PTPRQ: variants seen among roughly 807,000 people sequenced by gnomAD.
PTPRQ encodes phosphatidylinositol phosphatase PTPRQ.
In PTPRQ, 199 loss-of-function variants were observed where a neutral mutation model predicts 246.0. The ratio of observed to expected loss-of-function variants is 0.81; its 90% CI spans 0.72 to 0.91. The LOEUF (loss-of-function observed/expected upper bound fraction) is 0.91, where lower values mean the gene tolerates loss of function less well. PTPRQ is among the 40% of genes least tolerant of loss of function. The pLI is 0.00. For synonymous variants in PTPRQ, 869 were observed against 853.2 expected, an observed-to-expected ratio of 1.02 and a Z score of -0.32; for missense variants, 2,624 against 2,528.4, an observed-to-expected ratio of 1.04 and a Z score of -0.81.
At chr12:80,614,207 A>G (rs1347906657) in intron 29 of PTPRQ, among the ~76,000 whole-genome samples, 1 of 150,858 alleles carries the variant, frequency 6.6e-6, no homozygotes, top group African/African-American at 2.4e-5. Context: ...AGGACAAAAG[A>G]CAGAAATAAT....
At chr12:80,505,943 A>T (rs1716625266) in intron 14 of PTPRQ, 81 bp from the exon 15 acceptor site, 2 of 1,430,920 alleles carry the variant, frequency 1.4e-6, no homozygotes, top group Admixed American at 5.3e-5. Flanking sequence ...TAAATAACCT[A>T]GTGCACTTCA....
chr12:80,523,161 A>G (rs1407175236), intron 17 of PTPRQ, among the ~76,000 whole-genome samples: 2 of 152,098 alleles, frequency 1.3e-5, no homozygotes, highest in African/African-American at 4.8e-5. Flanking sequence ...AGAGGTGTTT[A>G]TAGTGTTCTC....
At chr12:80,513,483 T>G (rs1282459483) in intron 17 of PTPRQ, among the ~76,000 whole-genome samples, 1 of 152,154 alleles carries the variant, frequency 6.6e-6, no homozygotes, top group Admixed American at 6.5e-5. Flanking sequence ...CGCTTGTGTG[T>G]GTGCCCGTTA....
chr12:80,486,202 G>A (rs1894270418), intron 9 of PTPRQ, among the ~76,000 whole-genome samples: 1 of 152,076 alleles, frequency 6.6e-6, no homozygotes, highest in Admixed American at 6.6e-5. Context: ...AACTGTACCT[G>A]GCATATAGTA....
chr12:80,542,593 T>C (rs1191583042), intron 22 of PTPRQ, 137 bp from the exon 23 acceptor site: 20 of 1,173,520 alleles, frequency 1.7e-5, no homozygotes, highest in Non-Finnish European at 2.2e-5. Flanking sequence ...TAATTAATTA[T>C]GATATTTGTT....
chr12:80,465,869 G>A (rs1440177990), intron 6 of PTPRQ, among the ~76,000 whole-genome samples: 1 of 152,040 alleles, frequency 6.6e-6, no homozygotes, highest in Non-Finnish European at 1.5e-5. Context: ...AATAATAAGA[G>A]CTATCTATGA....
At chr12:80,674,489 C>G (rs1275547730) in intron 43 of PTPRQ, among the ~76,000 whole-genome samples, 1 of 152,088 alleles carries the variant, frequency 6.6e-6, no homozygotes, top group Non-Finnish European at 1.5e-5. Context: ...TGTCATGGAA[C>G]ATTAATCCTC....
rs1528289 is a variant in PTPRQ at position 80,649,582 on chromosome 12, T to C, written c.5943-6T>C. On this transcript the variant is annotated splice_region_variant and splice_polypyrimidine_tract_variant and intron_variant, in intron 36 of 44. Coordinates refer to ENST00000644991, the MANE Select transcript of PTPRQ (RefSeq NM_001145026.2). Reference sequence around the variant, plus strand: ...GACCCTATTTTATACCTTTCTTTACTTGGAGGCCAATAAGCAAGAAATCCT... The same window carrying C: ...GACCCTATTTTATACCTTTCTTTACCTGGAGGCCAATAAGCAAGAAATCCT... 105,863 of 1,549,644 alleles carry C rather than the reference T, an allele frequency of 0.068. 5,043 individuals are homozygous for C. The highest frequency in any genetic ancestry group is 0.19 in the South Asian group (15,843 of 83,786).
At chr12:80,558,171 TC>T (rs1263258039) in intron 25 of PTPRQ, among the ~76,000 whole-genome samples, 9 of 146,208 alleles carry the variant, frequency 6.2e-5, no homozygotes, top group Non-Finnish European at 1.3e-4. Flanking sequence ...TTCTTTTCTT[TC>T]TTTTCTTTTC....
intron 26 of PTPRQ, among the ~76,000 whole-genome samples, chr12:80,601,931 G>GT (rs1898158850): frequency 6.6e-6 from 1 of 151,756 alleles, no homozygotes. Context: ...TTTATGCAGG[G>GT]TATGTGTATG....
chr12:80,487,713 G>T (rs1475026204), intron 9 of PTPRQ, among the ~76,000 whole-genome samples: 1 of 152,080 alleles, frequency 6.6e-6, no homozygotes, highest in African/African-American at 2.4e-5. Flanking sequence ...ACTTGCATAT[G>T]TCTTTATTTT....
At chr12:80,583,201 T>C (rs1897502099) in intron 25 of PTPRQ, among the ~76,000 whole-genome samples, 1 of 152,214 alleles carries the variant, frequency 6.6e-6, no homozygotes, top group Admixed American at 6.5e-5. Flanking sequence ...ATTCATTTGC[T>C]CACACATTCA....
intron 35 of PTPRQ, among the ~76,000 whole-genome samples, chr12:80,639,755 A>G (rs1465245067): frequency 1.3e-5 from 2 of 152,194 alleles, no homozygotes; most frequent in African/African-American, 4.8e-5. Context: ...TATATTTGTA[A>G]TATTGAATAC....
chr12:80,463,923 G>A (rs1348952263), intron 6 of PTPRQ, among the ~76,000 whole-genome samples: 2 of 151,770 alleles, frequency 1.3e-5, no homozygotes, highest in Non-Finnish European at 2.9e-5. Context: ...ATGCCAAAAT[G>A]TAAAGACCAT....
rs558835147 is a variant in PTPRQ at position 80,540,008 on chromosome 12, T to G, written c.3154+64T>G. ...TTTAAAACTTATTATTTTAGGAAAT[T>G]TTACTATTTGTTTGAATTTGTAATA... On this transcript the variant is annotated intron_variant, in intron 20 of 44. Transcript: ENST00000644991. 8.4e-5 allele frequency: 109 copies of G among 1,296,428 alleles called. 3 individuals are homozygous for G. The South Asian group carries it at 2.1e-3, about 25-fold the overall frequency. 80.3% of individuals were successfully genotyped at this position (1,296,428 alleles called of 1,614,324 possible). A position where few individuals can be genotyped will look rare whatever the true frequency, so the allele number is the denominator to read the frequency against.
chr12:80,467,988 C>G (rs989117031), intron 6 of PTPRQ, among the ~76,000 whole-genome samples: 3 of 151,976 alleles, frequency 2.0e-5, no homozygotes, highest in Non-Finnish European at 2.9e-5. Context: ...GCACATGTAC[C>G]CTAAAACTTA....
chr12:80,542,962 G>A, intron 23 of PTPRQ, 81 bp downstream of exon 23: 1 of 944,354 alleles, frequency 1.1e-6, no homozygotes. Flanking sequence ...GGAGGAAAAT[G>A]GACTACTAAA....
intron 42 of PTPRQ, among the ~76,000 whole-genome samples, chr12:80,671,959 G>C (rs1362457753): frequency 1.3e-5 from 2 of 151,998 alleles, no homozygotes; most frequent in East Asian, 3.9e-4. Flanking sequence ...CCTCAGGTCT[G>C]TTCTCATTTT....
chr12:80,619,277 T>A, intron 30 of PTPRQ, 107 bp from the exon 31 acceptor site: 3 of 1,269,412 alleles, frequency 2.4e-6, no homozygotes, highest in Non-Finnish European at 3.2e-6. Context: ...TTATTTATGT[T>A]TGTCATCACT....
Sources: allele counts gnomAD v4.1 joint callset (sites outside exome capture counted in the v4.1 genomes callset), GRCh38; gene constraint gnomAD v4.1.1; transcripts MANE v1.5; gene names NCBI Gene and HGNC (gene_info 2026-07-23, HGNC 2026-07-21).